Variants in GPC6 observed in about 807,000 individuals in gnomAD.
GPC6 encodes glypican 6.
A neutral mutation model predicts 55.2 loss-of-function variants in GPC6; 14 were observed. The ratio of observed to expected loss-of-function variants is 0.25; its 90% CI spans 0.17 to 0.40. The LOEUF (loss-of-function observed/expected upper bound fraction) is 0.40, where lower values mean the gene tolerates loss of function less well. GPC6 is among the 10% of genes least tolerant of loss of function. The pLI is 1.00. For synonymous variants in GPC6, 278 were observed against 259.6 expected (o/e 1.07, Z -0.68); for missense variants, 641 against 708.5 (o/e 0.90, Z 1.08).
At chr13:93,739,824 A>T (rs1273985020) in intron 2 of GPC6, among the ~76,000 whole-genome samples, 1 of 152,218 alleles carries the variant, frequency 6.6e-6, no homozygotes, top group African/African-American at 2.4e-5. Flanking sequence ...TACTGCCTGC[A>T]TGAAATTTAT....
intron 2 of GPC6, among the ~76,000 whole-genome samples, chr13:93,684,036 C>T (rs913496331): frequency 2.6e-5 from 4 of 152,198 alleles, no homozygotes; most frequent in East Asian, 1.9e-4. Flanking sequence ...GCTCCATTCT[C>T]GTGACCTCAT....
intron 4 of GPC6, among the ~76,000 whole-genome samples, chr13:94,247,350 G>A (rs1286938342): frequency 2.0e-5 from 3 of 151,754 alleles, no homozygotes; most frequent in African/African-American, 7.3e-5. Flanking sequence ...CTTTTCTCTT[G>A]CCTCTTTGCT....
chr13:94,387,621 C>T (rs756014285), intron 7 of GPC6, among the ~76,000 whole-genome samples: 2 of 152,162 alleles, frequency 1.3e-5, no homozygotes, highest in African/African-American at 2.4e-5. Flanking sequence ...TTGAAATCCT[C>T]ACCCCTTGTG....
chr13:93,984,956 A>T (rs1880958387), intron 3 of GPC6, among the ~76,000 whole-genome samples: 1 of 152,232 alleles, frequency 6.6e-6, no homozygotes, highest in Non-Finnish European at 1.5e-5. Context: ...AGTGAATCAA[A>T]ACAAAATGTA....
At chr13:93,256,341 T>G (rs1453076456) in intron 1 of GPC6, among the ~76,000 whole-genome samples, 2 of 152,140 alleles carry the variant, frequency 1.3e-5, no homozygotes, top group South Asian at 4.1e-4. Flanking sequence ...ATCGTCATTT[T>G]TTTTTTCCTT....
chr13:93,500,673 T>C (rs1304249540), intron 1 of GPC6, among the ~76,000 whole-genome samples: 6 of 152,180 alleles, frequency 3.9e-5, no homozygotes, highest in Admixed American at 2.6e-4. Context: ...AACAGCTCTG[T>C]TTAAATATCA....
chr13:93,635,053 A>G (rs1302575328), intron 2 of GPC6, among the ~76,000 whole-genome samples: 1 of 152,132 alleles, frequency 6.6e-6, no homozygotes, highest in East Asian at 1.9e-4. Flanking sequence ...GTCCTATCCA[A>G]GGACAAACAC....
At chr13:93,636,585 C>A (rs144375308) in intron 2 of GPC6, among the ~76,000 whole-genome samples, 3 of 152,134 alleles carry the variant, frequency 2.0e-5, no homozygotes, top group African/African-American at 7.2e-5. Context: ...GTCCCACCAG[C>A]AGCTATAAGA....
chr13:94,361,974 A>G (rs566117105), intron 6 of GPC6, among the ~76,000 whole-genome samples: 12 of 152,360 alleles, frequency 7.9e-5, no homozygotes, highest in African/African-American at 2.9e-4. Flanking sequence ...TATTATAAAA[A>G]ATCCTTTCTA....
intron 1 of GPC6, among the ~76,000 whole-genome samples, chr13:93,341,832 T>G (rs1234841619): frequency 6.6e-6 from 1 of 151,986 alleles, no homozygotes; most frequent in Non-Finnish European, 1.5e-5. Context: ...TCCAGAAGAT[T>G]TTTTTCTGAT....
chr13:93,692,180 T>C (rs1217766288), intron 2 of GPC6, among the ~76,000 whole-genome samples: 1 of 152,074 alleles, frequency 6.6e-6, no homozygotes, highest in Non-Finnish European at 1.5e-5. Flanking sequence ...CTTTTGCCCA[T>C]GGAATAAGAT....
intron 1 of GPC6, among the ~76,000 whole-genome samples, chr13:93,443,301 A>G (rs1176778704): frequency 6.6e-6 from 1 of 151,784 alleles, no homozygotes; most frequent in Non-Finnish European, 1.5e-5. Flanking sequence ...TTATGAATAA[A>G]TTTTTTTTTC....
intron 1 of GPC6, among the ~76,000 whole-genome samples, chr13:93,418,704 T>C (rs564580625): frequency 6.6e-6 from 1 of 151,672 alleles, no homozygotes; most frequent in East Asian, 1.9e-4. Context: ...CGTAGTGTCA[T>C]TTTGTTAATA....
chr13:94,264,210 G>A (rs954675430), intron 4 of GPC6, among the ~76,000 whole-genome samples: 3 of 152,128 alleles, frequency 2.0e-5, no homozygotes, highest in African/African-American at 7.2e-5. Context: ...CAAAACCAAG[G>A]CTTCTATTGC....
At chr13:93,497,799 G>A (rs541513918) in intron 1 of GPC6, among the ~76,000 whole-genome samples, 2 of 152,308 alleles carry the variant, frequency 1.3e-5, no homozygotes, top group Admixed American at 6.5e-5. Context: ...TGGTGATCAT[G>A]ACAAATAAAT....
intron 2 of GPC6, among the ~76,000 whole-genome samples, chr13:93,682,984 C>T (rs1243971162): frequency 6.6e-6 from 1 of 151,992 alleles, no homozygotes; most frequent in Non-Finnish European, 1.5e-5. Context: ...CACCAGTGCA[C>T]TCTAGTCTGT....
chr13:93,526,099 CT>C (rs1209764664), intron 1 of GPC6, among the ~76,000 whole-genome samples: 3 of 152,028 alleles, frequency 2.0e-5, no homozygotes, highest in African/African-American at 7.2e-5. Flanking sequence ...TCCAGCACAA[CT>C]TTTAAATATT....
chr13:94,002,155 A>G (rs1419193098), intron 3 of GPC6, among the ~76,000 whole-genome samples: 5 of 152,102 alleles, frequency 3.3e-5, no homozygotes, highest in African/African-American at 1.2e-4. Context: ...TACATCTCAA[A>G]GAGGCAGAGA....
chr13:93,364,900 G>T (rs1317981903), intron 1 of GPC6, among the ~76,000 whole-genome samples: 1 of 151,350 alleles, frequency 6.6e-6, no homozygotes, highest in Non-Finnish European at 1.5e-5. Flanking sequence ...CTTCACCTCC[G>T]GTCTGTCTCC....
Sources: allele counts gnomAD v4.1 joint callset (sites outside exome capture counted in the v4.1 genomes callset), GRCh38; gene constraint gnomAD v4.1.1; transcripts MANE v1.5; gene names NCBI Gene and HGNC (gene_info 2026-07-23, HGNC 2026-07-21).